Variants in RALYL observed in about 807,000 individuals in gnomAD.
RALYL encodes the protein RALY RNA binding protein like, also known as RNA-binding Raly-like protein.
RALYL carries 29 observed loss-of-function variants against 35.1 expected under a neutral mutation model. The ratio of observed to expected loss-of-function variants is 0.83; its 90% CI spans 0.61 to 1.13. The LOEUF (loss-of-function observed/expected upper bound fraction) is 1.13. Among genes scored for constraint, RALYL ranks in the 50% most tolerant of loss-of-function variants. RALYL has a pLI of 0.00. For missense variants in RALYL, 359 were observed against 360.4 expected (o/e 1.00, Z 0.03); for synonymous variants, 120 against 127.6 (o/e 0.94, Z 0.40).
chr8:84,510,045 A>G (rs1337454393), intron 1 of RALYL, among the ~76,000 whole-genome samples: 1 of 152,154 alleles, frequency 6.6e-6, no homozygotes, highest in Admixed American at 6.5e-5. Flanking sequence ...CCACAAAGTA[A>G]TTTCCTGGAA....
At chr8:84,425,523 G>C (rs1015043199) in intron 1 of RALYL, among the ~76,000 whole-genome samples, 1 of 152,150 alleles carries the variant, frequency 6.6e-6, no homozygotes, top group African/African-American at 2.4e-5. Flanking sequence ...CGTCGCTCAC[G>C]CTGGGAGCTG....
At chr8:84,660,243 A>G (rs1830658538) in intron 2 of RALYL, among the ~76,000 whole-genome samples, 1 of 152,092 alleles carries the variant, frequency 6.6e-6, no homozygotes, top group African/African-American at 2.4e-5. Flanking sequence ...AATTTTCTCA[A>G]TAATGATATA....
chr8:84,729,500 A>C (rs1443410281), intron 2 of RALYL, among the ~76,000 whole-genome samples: 1 of 152,108 alleles, frequency 6.6e-6, no homozygotes, highest in African/African-American at 2.4e-5. Context: ...AAACACATTC[A>C]AAAGCTAGCA....
intron 2 of RALYL, among the ~76,000 whole-genome samples, chr8:84,586,579 C>CT (rs1007025556): frequency 1.3e-5 from 2 of 152,150 alleles, no homozygotes; most frequent in African/African-American, 4.8e-5. Flanking sequence ...ATTTGAGTGA[C>CT]TGATACTTAG....
intron 1 of RALYL, among the ~76,000 whole-genome samples, chr8:84,221,924 T>A (rs1822316855): frequency 6.6e-6 from 1 of 152,112 alleles, no homozygotes; most frequent in Non-Finnish European, 1.5e-5. Context: ...GTTTTATGCA[T>A]AATCTTAAGT....
intron 2 of RALYL, among the ~76,000 whole-genome samples, chr8:84,620,087 T>C (rs1820954565): frequency 2.0e-5 from 3 of 152,038 alleles, no homozygotes; most frequent in Non-Finnish European, 4.4e-5. Context: ...GTTGCTCTTC[T>C]CGAGGAGTAT....
intron 1 of RALYL, among the ~76,000 whole-genome samples, chr8:84,260,521 C>T (rs1382239894): frequency 6.6e-6 from 1 of 152,126 alleles, no homozygotes; most frequent in African/African-American, 2.4e-5. Context: ...CTGATTAAGG[C>T]TCAGACTCTG....
chr8:84,553,768 G>A (rs1023401789), intron 2 of RALYL, among the ~76,000 whole-genome samples: 1 of 151,842 alleles, frequency 6.6e-6, no homozygotes, highest in Non-Finnish European at 1.5e-5. Flanking sequence ...AGCTACAGGT[G>A]GCAGTGGTCC....
intron 2 of RALYL, among the ~76,000 whole-genome samples, chr8:84,630,092 T>C (rs1564274756): frequency 6.6e-6 from 1 of 151,986 alleles, no homozygotes; most frequent in Non-Finnish European, 1.5e-5. Flanking sequence ...GGCTATATGA[T>C]TTAGAATTTT....
Position 84,454,118 on chromosome 8 carries a change from T to C in RALYL, c.-23-75181T>C, listed in dbSNP as rs187676120. Among the ~76,000 whole-genome samples, 689 of 152,052 alleles carry C rather than the reference T, an allele frequency of 4.5e-3. 3 individuals are homozygous for C. The highest frequency in any genetic ancestry group is 7.1e-3 in the Non-Finnish European group (480 of 67,934). On this transcript the variant is annotated intron_variant, in intron 1 of 8. Coordinates refer to ENST00000521268, the MANE Select transcript of RALYL (RefSeq NM_173848.7). ...GACACTTCTAAAAACAAAATGAATA[T>C]ACTGTGATGTGGGGTGTGTGCCACG... is the stretch of plus-strand genomic sequence containing the variant.
intron 1 of RALYL, among the ~76,000 whole-genome samples, chr8:84,464,230 C>G (rs901891410): frequency 6.6e-6 from 1 of 150,426 alleles, no homozygotes; most frequent in South Asian, 2.1e-4. Flanking sequence ...CATGCTGGTG[C>G]GCTGCATCCA....
intron 1 of RALYL, among the ~76,000 whole-genome samples, chr8:84,247,601 C>T (rs1233335784): frequency 1.3e-5 from 2 of 151,448 alleles, no homozygotes; most frequent in East Asian, 1.9e-4. Flanking sequence ...AGGACGCAGG[C>T]TTTAATTACT....
intron 2 of RALYL, among the ~76,000 whole-genome samples, chr8:84,547,600 C>G (rs2060450192): frequency 6.6e-6 from 1 of 152,066 alleles, no homozygotes; most frequent in Admixed American, 6.5e-5. Flanking sequence ...AGGATGGTCT[C>G]GAACTCCTGA....
intron 4 of RALYL, among the ~76,000 whole-genome samples, chr8:84,824,376 G>A (rs1020810797): frequency 7.2e-5 from 11 of 151,928 alleles, no homozygotes; most frequent in African/African-American, 2.7e-4. Context: ...CAAACAAATG[G>A]AAAAACATTC....
intron 1 of RALYL, among the ~76,000 whole-genome samples, chr8:84,237,905 T>C (rs1334551661): frequency 6.6e-6 from 1 of 150,974 alleles, no homozygotes; most frequent in Non-Finnish European, 1.5e-5. Context: ...AAGAGAAAGG[T>C]ACACCAAAAG....
At chr8:84,509,610 A>G (rs2057441969) in intron 1 of RALYL, among the ~76,000 whole-genome samples, 1 of 151,960 alleles carries the variant, frequency 6.6e-6, no homozygotes, top group African/African-American at 2.4e-5. Flanking sequence ...GGCCATCTGT[A>G]TTTCATCTTA....
intron 2 of RALYL, among the ~76,000 whole-genome samples, chr8:84,682,857 C>A (rs975081512): frequency 1.3e-5 from 2 of 151,762 alleles, no homozygotes; most frequent in African/African-American, 4.8e-5. Context: ...TCTGCTCTGA[C>A]CTTAGTTATT....
intron 4 of RALYL, among the ~76,000 whole-genome samples, chr8:84,806,590 G>A (rs894102034): frequency 1.1e-4 from 16 of 150,980 alleles, no homozygotes; most frequent in East Asian, 3.9e-4. Context: ...ATACTGTATC[G>A]CTCAGCCAAT....
At chr8:84,541,842 G>C (rs1041543083) in intron 2 of RALYL, among the ~76,000 whole-genome samples, 34 of 152,048 alleles carry the variant, frequency 2.2e-4, no homozygotes, top group African/African-American at 8.2e-4. Flanking sequence ...TTAGAGAAAA[G>C]CTTGGTTTAA....
Sources: allele counts gnomAD v4.1 joint callset (sites outside exome capture counted in the v4.1 genomes callset), GRCh38; gene constraint gnomAD v4.1.1; transcripts MANE v1.5; gene names NCBI Gene and HGNC (gene_info 2026-07-23, HGNC 2026-07-21).